The following NUSAP1 variants were observed in gnomAD, a reference collection of about 807,000 sequenced individuals.
The protein encoded by NUSAP1 is nucleolar and spindle-associated protein 1.
Under a neutral mutation model 52.8 loss-of-function variants are expected in NUSAP1, and 32 were observed. That is an observed-to-expected ratio of 0.61 (90% CI 0.46 to 0.81). The LOEUF (loss-of-function observed/expected upper bound fraction) is 0.81, where lower values mean the gene tolerates loss of function less well. NUSAP1 is among the 40% of genes least tolerant of loss of function. The pLI, the probability that NUSAP1 is intolerant of heterozygous loss-of-function variation, is 0.00. For synonymous variants in NUSAP1, 195 were observed against 183.1 expected (o/e 1.06, Z -0.52); for missense variants, 499 against 522.3 (o/e 0.96, Z 0.43).
chr15:41,369,674 G>A (rs965155775), intron 7 of NUSAP1, among the ~76,000 whole-genome samples: 1 of 152,016 alleles, frequency 6.6e-6, no homozygotes, highest in Non-Finnish European at 1.5e-5. Context: ...CATGGTCAGA[G>A]GTTTGGCCCT....
intron 5 of NUSAP1, 139 bp downstream of exon 5, chr15:41,356,279 G>A: frequency 1.5e-6 from 1 of 657,964 alleles, no homozygotes; most frequent in Non-Finnish European, 2.7e-6. Flanking sequence ...ATATCTTGGG[G>A]AACTTACTCA....
At chr15:41,347,750 C>T (rs1245055037) in intron 2 of NUSAP1, among the ~76,000 whole-genome samples, 6 of 150,520 alleles carry the variant, frequency 4.0e-5, no homozygotes, top group African/African-American at 7.3e-5. Context: ...GGAGGTGGAG[C>T]TTGCAGTGAG....
At chr15:41,347,211 C>G (rs1403287518) in intron 2 of NUSAP1, among the ~76,000 whole-genome samples, 1 of 152,048 alleles carries the variant, frequency 6.6e-6, no homozygotes, top group African/African-American at 2.4e-5. Context: ...CACTAAACCT[C>G]AAGCCAAATA....
intron 8 of NUSAP1, among the ~76,000 whole-genome samples, chr15:41,373,681 C>T (rs1289325813): frequency 6.6e-6 from 1 of 151,822 alleles, no homozygotes; most frequent in Non-Finnish European, 1.5e-5. Context: ...AACTCCTGAC[C>T]TCGTGATCCG....
intron 1 of NUSAP1, among the ~76,000 whole-genome samples, chr15:41,333,626 T>C (rs1195096405): frequency 1.3e-5 from 2 of 152,186 alleles, no homozygotes; most frequent in African/African-American, 4.8e-5. Context: ...GGCTACAAGA[T>C]GTTTGGAGAG....
intron 10 of NUSAP1, 105 bp from the exon 11 acceptor site, chr15:41,379,988 T>C (rs747858386): frequency 2.6e-4 from 194 of 737,290 alleles, no homozygotes; most frequent in Non-Finnish European, 3.7e-4. Context: ...ACAAGTATGC[T>C]GGATGTCATT....
chr15:41,333,154 G>C (rs904068951), intron 1 of NUSAP1, 104 bp downstream of exon 1: 10 of 808,834 alleles, frequency 1.2e-5, no homozygotes, highest in Non-Finnish European at 1.6e-5. Context: ...GACTGAGGCA[G>C]CTCTCCCTGC....
chr15:41,370,255 G>C (rs534016387), intron 7 of NUSAP1, among the ~76,000 whole-genome samples: 1 of 151,676 alleles, frequency 6.6e-6, no homozygotes, highest in Non-Finnish European at 1.5e-5. Context: ...AGTGGCGGGC[G>C]CCTATAGTCC....
At chr15:41,336,692 C>T (rs2048163333) in intron 1 of NUSAP1, among the ~76,000 whole-genome samples, 1 of 111,786 alleles carries the variant, frequency 8.9e-6, no homozygotes, top group Non-Finnish European at 1.8e-5. Flanking sequence ...CGCTCTGTTG[C>T]CTAGGCTGCA....
Position 41,364,795 on chromosome 15 carries a change from A to G in NUSAP1, c.661-607A>G, listed in dbSNP as rs1036749406. Among the ~76,000 whole-genome samples the G allele has an allele frequency of 1.9e-4, 29 of 152,120 alleles. No homozygotes were observed. In the East Asian group the frequency reaches 4.8e-3, roughly 25 times the overall value. ...AGGTGGGAGGATCGCTTGAACCTGGAAGGTGAAGATTGCAGTGAGCCCATA... is the reference window on the plus strand; with the variant it reads ...AGGTGGGAGGATCGCTTGAACCTGGGAGGTGAAGATTGCAGTGAGCCCATA... On this transcript the variant is annotated intron_variant, in intron 6 of 10. Transcript: ENST00000559596.
chr15:41,377,550 T>C (rs910723439), intron 10 of NUSAP1, among the ~76,000 whole-genome samples: 1 of 150,488 alleles, frequency 6.6e-6, no homozygotes, highest in Non-Finnish European at 1.5e-5. Context: ...ATACAAAAAA[T>C]TAGCTGGGCA....
At chr15:41,371,441 T>C (rs2049682653) in intron 7 of NUSAP1, 86 bp from the exon 8 acceptor site, 5 of 1,160,406 alleles carry the variant, frequency 4.3e-6, no homozygotes, top group Non-Finnish European at 5.9e-6. Flanking sequence ...CACTGCTTGC[T>C]AATAGTCAAG....
chr15:41,351,092 A>G lies in NUSAP1; in HGVS notation c.411A>G (p.Pro137=). ...LRATAKVPSP[P]DEHQEAENAV... The stretch of plus-strand genomic sequence containing the variant: ...CTACTGCAAAAGTTCCTTCTCCACC[A>G]GACGAGCACCAAGAAGCTGAGAATG... Residue 137 remains proline, a synonymous_variant, in exon 4 of 11, where the codon CCA becomes CCG. Transcript: ENST00000559596. 6.2e-7 allele frequency: 1 copy of G among 1,613,760 alleles called. No homozygotes were observed. The highest frequency in any genetic ancestry group is 8.5e-7 in the Non-Finnish European group (1 of 1,179,822).
At chr15:41,379,245 C>T (rs1453601521) in intron 10 of NUSAP1, among the ~76,000 whole-genome samples, 1 of 151,924 alleles carries the variant, frequency 6.6e-6, no homozygotes, top group East Asian at 1.9e-4. Flanking sequence ...TGAGCTACCA[C>T]ACCTGGTCAA....
In NUSAP1 at chr15:41,380,626, T is replaced by A. The variant is rs2050172269; in HGVS notation, c.*440T>A. 6.2e-6 allele frequency: 1 copy of A among 160,086 alleles called. No homozygotes were observed. Among genetic ancestry groups the A allele is most frequent in the Non-Finnish European group, 1.4e-5 (1 of 73,210 alleles). The allele number at this position is 160,086 out of a possible 1,614,324, so 9.9% of individuals were successfully genotyped here. A position where few individuals can be genotyped will look rare whatever the true frequency, so the allele number is the denominator to read the frequency against. On this transcript the variant is annotated 3_prime_UTR_variant, in exon 11 of 11. Transcript: ENST00000559596. ...TGGGATAGAAAGGCCACCTCTTCAC[T>A]CTCTATAGAATATAGTAACCTTTAT...
At position 41,365,312 on chromosome 15, in the gene NUSAP1, A is replaced by G. The variant is rs975745788; in HGVS notation, c.661-90A>G. On this transcript the variant is annotated intron_variant, in intron 6 of 10. Transcript: ENST00000559596. ...GCTGGGACTATAGGCACATGCCACA[A>G]CGCCCGGCTAATTTTTGTATTTTTA... 4.6e-6 allele frequency: 5 copies of G among 1,097,246 alleles called. No individual in the cohort carries two copies. In the South Asian group the frequency reaches 5.0e-5, roughly 11 times the overall value. 68.0% of individuals were successfully genotyped at this position (1,097,246 alleles called of 1,614,324 possible). A position where few individuals can be genotyped will look rare whatever the true frequency, so the allele number is the denominator to read the frequency against.
chr15:41,353,604 G>A (rs1006363061), intron 4 of NUSAP1, among the ~76,000 whole-genome samples: 3 of 152,034 alleles, frequency 2.0e-5, no homozygotes, highest in African/African-American at 7.2e-5. Flanking sequence ...GGTATTTCTT[G>A]GAAACCCACT....
intron 1 of NUSAP1, among the ~76,000 whole-genome samples, chr15:41,335,832 C>G (rs917426958): frequency 6.9e-6 from 1 of 145,194 alleles, no homozygotes. Flanking sequence ...CTATATTATA[C>G]CAGTATAAAT....
chr15:41,355,039 A>G (rs1297818080), intron 4 of NUSAP1, among the ~76,000 whole-genome samples: 1 of 151,702 alleles, frequency 6.6e-6, no homozygotes, highest in Non-Finnish European at 1.5e-5. Context: ...AAATAGAGAC[A>G]GAGTCTTGCT....
Sources: allele counts gnomAD v4.1 joint callset (sites outside exome capture counted in the v4.1 genomes callset), GRCh38; gene constraint gnomAD v4.1.1; transcripts MANE v1.5; gene names NCBI Gene and HGNC (gene_info 2026-07-23, HGNC 2026-07-21).